The following UNK variants were observed in gnomAD, a reference collection of about 807,000 sequenced individuals.
The protein encoded by UNK is unk zinc finger, also known as RING finger protein unkempt homolog.
Under a neutral mutation model 97.6 loss-of-function variants are expected in UNK, and 32 were observed. The ratio of observed to expected loss-of-function variants is 0.33; its 90% confidence interval spans 0.25 to 0.44. The LOEUF (loss-of-function observed/expected upper bound fraction) is 0.44. Ranked by LOEUF, UNK falls within the 20% of genes least tolerant of loss-of-function variation. The pLI is 1.00. For missense variants in UNK, 771 were observed against 1,098.4 expected (o/e 0.70, Z 4.21); for synonymous variants, 441 against 461.2 (o/e 0.96, Z 0.56).
At position 75,824,322 on chromosome 17, in the gene UNK, C is replaced by T; in HGVS notation, c.2338C>T (p.Leu780=). The T allele has an allele frequency of 1.9e-6, 3 of 1,605,128 alleles. No homozygotes were observed. Among genetic ancestry groups the T allele is most frequent in the Non-Finnish European group, 2.5e-6 (3 of 1,176,996 alleles). ...LKCQEQKRAV[L]PCQHAALCEL... is the part of the protein sequence containing the mutation. ...GTGTCAGGAACAGAAGCGGGCAGTG[C>T]TGCCGTGCCAACACGCTGCGCTGTG... The change falls in exon 16 of 16, where the codon CTG becomes TTG. Residue 780 remains leucine (L), a synonymous_variant. Coordinates refer to ENST00000589666, the MANE Select transcript of UNK (RefSeq NM_001080419.3). The surrounding 1 kb of genome is among the most constrained non-coding windows in gnomAD (Gnocchi z 4.9).
At chr17:75,800,130 A>G (rs755228941) in intron 1 of UNK, among the ~76,000 whole-genome samples, 19 of 152,224 alleles carry the variant, frequency 1.2e-4, no homozygotes, top group Non-Finnish European at 2.4e-4. Context: ...GTGCAGTGGC[A>G]CAATCTTGGC....
In UNK at chr17:75,819,288, AGT is replaced by A. The variant is rs2062044478; in HGVS notation, c.1547-394_1547-393del. ...CCCTCTAGAGGGAAACTTCCCACCC[AGT>A]GGACATTTGTCAAGCACCTGCTATA... On this transcript the variant is annotated intron_variant, in intron 11 of 15. Coordinates refer to ENST00000589666, the MANE Select transcript of UNK (RefSeq NM_001080419.3). This position sits in a 1 kb window ranked among gnomAD's most constrained non-coding sequence, Gnocchi z 5.4. 2 of 257,004 alleles carry A rather than the reference AGT, an allele frequency of 7.8e-6. No homozygotes were observed. The highest frequency in any genetic ancestry group is 1.5e-5 in the Non-Finnish European group (2 of 134,636). 15.9% of individuals were successfully genotyped at this position (257,004 alleles called of 1,614,324 possible).
intron 7 of UNK, among the ~76,000 whole-genome samples, chr17:75,815,939 GTTAAA>G (rs1829029587): frequency 6.6e-6 from 1 of 150,384 alleles, no homozygotes; most frequent in Non-Finnish European, 1.5e-5. Flanking sequence ...AAAATATGTT[GTTAAA>G]TTAATTTTAA....
intron 14 of UNK, 108 bp from the exon 15 acceptor site, chr17:75,823,157 C>G (rs1027007803): frequency 2.0e-6 from 3 of 1,484,018 alleles, no homozygotes; most frequent in Non-Finnish European, 2.7e-6. Flanking sequence ...AGAGCCAACC[C>G]AGCTTCCCAC....
rs1294730199 is a variant in UNK, at chr17:75,817,255, G to C, written c.1105-71G>C. The C allele has an allele frequency of 1.4e-6, 2 of 1,449,010 alleles. No individual in the cohort carries two copies. Among genetic ancestry groups the C allele is most frequent in the African/African-American group, 1.4e-5 (1 of 70,352 alleles). 89.8% of individuals were successfully genotyped at this position (1,449,010 alleles called of 1,614,324 possible). ...GCCCCTTGAAGACTCCCTCTGGAGA[G>C]GGTGGAGGATGGGCCACGCACCAGC... On this transcript the variant is annotated intron_variant, in intron 8 of 15. Transcript: ENST00000589666. This position sits in a 1 kb window ranked among gnomAD's most constrained non-coding sequence, Gnocchi z 5.8.
intron 1 of UNK, chr17:75,791,762 A>G: frequency 2.2e-5 from 22 of 985,370 alleles, no homozygotes; most frequent in South Asian, 4.7e-5. Context: ...TAATCCAGCT[A>G]TGTTAGATAC....
chr17:75,821,602 T>G (rs1240586408), intron 13 of UNK: 5 of 456,670 alleles, frequency 1.1e-5, no homozygotes, highest in South Asian at 7.7e-5. Flanking sequence ...TGCACTTGTG[T>G]GTCTCAGAGA....
intron 13 of UNK, 63 bp from the exon 14 acceptor site, chr17:75,822,414 G>C: frequency 6.5e-7 from 1 of 1,533,816 alleles, no homozygotes; most frequent in Non-Finnish European, 8.8e-7. Context: ...CTCTGAGGCA[G>C]GGCTGGCCAG....
intron 1 of UNK, among the ~76,000 whole-genome samples, chr17:75,801,237 T>C (rs976247523): frequency 6.6e-5 from 10 of 152,104 alleles, no homozygotes; most frequent in African/African-American, 2.4e-4. Context: ...TCATCACCAG[T>C]GCATACCTCT....
At chr17:75,790,533 G>A (rs528563180) in intron 1 of UNK, among the ~76,000 whole-genome samples, 2 of 152,076 alleles carry the variant, frequency 1.3e-5, no homozygotes, top group South Asian at 2.1e-4. Flanking sequence ...TCAGGAGGCC[G>A]AGGTGGGAGG....
chr17:75,789,833 C>T (rs917859306), intron 1 of UNK, among the ~76,000 whole-genome samples: 4 of 152,120 alleles, frequency 2.6e-5, no homozygotes, highest in African/African-American at 4.8e-5. Flanking sequence ...GCTGTATTAA[C>T]AGTTATACTA....
Position 75,816,654 on chromosome 17 carries a change from GA to G in UNK, c.962-114del, listed in dbSNP as rs1213536612. 14 of 1,312,068 alleles carry G rather than the reference GA, an allele frequency of 1.1e-5. No individual in the cohort carries two copies. Among genetic ancestry groups the G allele is most frequent in the Non-Finnish European group, 1.4e-5 (14 of 985,340 alleles). The allele number at this position is 1,312,068 out of a possible 1,614,324, so 81.3% of individuals were successfully genotyped here. On this transcript the variant is annotated intron_variant, in intron 7 of 15. Coordinates refer to ENST00000589666, the MANE Select transcript of UNK (RefSeq NM_001080419.3). This position sits in a 1 kb window ranked among gnomAD's most constrained non-coding sequence, Gnocchi z 4.0. ...CATGGTGTTACTAGAGATGTCGTAG[GA>G]ACCTTCCCTTTATGTGCAGGGGGAT...
At position 75,810,695 on chromosome 17, in the gene UNK, G is replaced by A. The variant is rs145592529; in HGVS notation, c.314+726G>A. On this transcript the variant is annotated intron_variant, in intron 2 of 15. Transcript: ENST00000589666. ...TCTGTTGCCCAGGCTGGAGTGCAGG[G>A]GTGCGATCTTGGCTCACTGCAACCT... 3.4e-3 allele frequency among the ~76,000 whole-genome samples: 519 copies of A among 152,160 alleles called. 1 individual carries two copies. Among genetic ancestry groups the A allele is most frequent in the African/African-American group, 0.012 (492 of 41,512 alleles).
intron 6 of UNK, among the ~76,000 whole-genome samples, chr17:75,814,727 G>C (rs540536100): frequency 1.3e-5 from 2 of 152,246 alleles, no homozygotes; most frequent in African/African-American, 4.8e-5. Flanking sequence ...GTAGACACGC[G>C]GACAGAAACT....
intron 14 of UNK, 114 bp downstream of exon 14, chr17:75,822,772 C>A: frequency 7.7e-7 from 1 of 1,297,754 alleles, no homozygotes; most frequent in Non-Finnish European, 1.0e-6. Flanking sequence ...AAGAACAGAG[C>A]AGAAACTCAG....
intron 1 of UNK, among the ~76,000 whole-genome samples, chr17:75,805,907 A>T (rs1345896041): frequency 6.6e-6 from 1 of 151,836 alleles, no homozygotes; most frequent in Non-Finnish European, 1.5e-5. Context: ...ATCCATTTTG[A>T]TGAAAGGGAT....
At chr17:75,785,641 T>TA (rs1450274631) in intron 1 of UNK, 2 of 152,246 alleles carry the variant, frequency 1.3e-5, no homozygotes, top group Admixed American at 1.3e-4. Flanking sequence ...AATGTAGCAT[T>TA]AGAGGGAGCC....
At chr17:75,815,686 T>G (rs955405593) in intron 7 of UNK, among the ~76,000 whole-genome samples, 5 of 152,144 alleles carry the variant, frequency 3.3e-5, no homozygotes, top group Admixed American at 1.3e-4. Context: ...CATATGTCAT[T>G]TTAAAGTTAA....
At chr17:75,801,484 T>C (rs184278492) in intron 1 of UNK, among the ~76,000 whole-genome samples, 27 of 152,206 alleles carry the variant, frequency 1.8e-4, no homozygotes, top group Admixed American at 1.3e-3. Context: ...ACTACTGCAC[T>C]CCAGCCTGGT....
Sources: gnomAD v4.1 joint callset for allele counts (sites outside exome capture counted in the v4.1 genomes callset) on GRCh38, gnomAD v4.1.1 for gene constraint, Gnocchi (gnomAD v3.1) non-coding constraint, MANE v1.5 for transcripts, NCBI Gene and HGNC (gene_info 2026-07-23, HGNC 2026-07-21) for gene names.